The following PROKR1 variants were observed in gnomAD, a reference collection of about 807,000 sequenced individuals.
PROKR1 encodes G protein-coupled receptor 73.
Under a neutral mutation model 22.8 loss-of-function variants are expected in PROKR1, and 21 were observed. That is an observed-to-expected ratio of 0.92 (90% CI 0.65 to 1.32). The LOEUF (loss-of-function observed/expected upper bound fraction) is 1.32, where lower values mean the gene tolerates loss of function less well. Among genes scored for constraint, PROKR1 ranks in the 40% most tolerant of loss-of-function variants. The probability of loss-of-function intolerance (pLI) is 0.00; values close to 1 mark genes in which losing one functional copy is unlikely to be tolerated. For synonymous variants in PROKR1, 193 were observed against 207.5 expected (o/e 0.93, Z 0.60); for missense variants, 548 against 514.2 (o/e 1.07, Z -0.64).
chr2:68,645,733 T>C lies in PROKR1; in HGVS notation c.-89T>C, dbSNP rs1010223620. 2 of 1,568,080 alleles carry C rather than the reference T, an allele frequency of 1.3e-6. No individual in the cohort carries two copies. Among genetic ancestry groups the C allele is most frequent in the African/African-American group, 2.7e-5 (2 of 73,992 alleles). On this transcript the variant is annotated 5_prime_UTR_variant, in exon 2 of 3. Transcript: ENST00000303786. ...ACATTCTGACTCATTAAGGGAGAGC[T>C]GGCTGATAGCAGAGAGGGGTGACAT... is the stretch of plus-strand genomic sequence containing the variant.
intron 2 of PROKR1, among the ~76,000 whole-genome samples, chr2:68,650,350 C>T (rs943635944): frequency 6.6e-6 from 1 of 152,128 alleles, no homozygotes; most frequent in African/African-American, 2.4e-5. Context: ...GTCCTGTTTT[C>T]CCAAAAATAG....
At chr2:68,644,037 A>G (rs1673122560) in intron 1 of PROKR1, among the ~76,000 whole-genome samples, 189 bp downstream of exon 1, 1 of 152,096 alleles carries the variant, frequency 6.6e-6, no homozygotes, top group Non-Finnish European at 1.5e-5. Flanking sequence ...CCAGGGAGAA[A>G]GTTGGGAGCA....
rs1673163231 is a variant in PROKR1, at chr2:68,645,898, A to G, written c.77A>G (p.His26Arg). 19 of 1,614,186 alleles carry G rather than the reference A, an allele frequency of 1.2e-5. No homozygotes were observed. The highest frequency in any genetic ancestry group is 1.5e-5 in the Non-Finnish European group (18 of 1,180,026). ...STSFLSVLNP[H>R]GAHATSFPFN... is the part of the protein sequence containing the mutation. ...AGCTTCCTTTCTGTGCTCAACCCTC[A>G]TGGAGCCCATGCCACTTCCTTCCCA... The change falls in exon 2 of 3, where the codon CAT (histidine) becomes CGT (arginine). Residue 26 changes from histidine (H) to arginine (R), a missense_variant. His to Arg is a conservative substitution (Grantham distance 29). Transcript: ENST00000303786.
intron 2 of PROKR1, 36 bp from the exon 3 acceptor site, chr2:68,654,844 T>C (rs372110875): frequency 2.1e-5 from 30 of 1,433,426 alleles, no homozygotes; most frequent in Middle Eastern, 3.5e-4. Flanking sequence ...CACTTCTTTC[T>C]CACAGTGGCT....
Position 68,645,710 on chromosome 2 carries a change from A to G in PROKR1, c.-112A>G. On this transcript the variant is annotated 5_prime_UTR_variant, in exon 2 of 3. Coordinates refer to ENST00000303786, the MANE Select transcript of PROKR1 (RefSeq NM_138964.4). ...ATACCCCAAAGATGCTGGCAGAGAC[A>G]TTCTGACTCATTAAGGGAGAGCTGG... 6.9e-7 allele frequency: 1 copy of G among 1,451,528 alleles called. No individual in the cohort carries two copies. Among genetic ancestry groups the G allele is most frequent in the South Asian group, 1.2e-5 (1 of 86,590 alleles). The allele number at this position is 1,451,528 out of a possible 1,614,324, so 89.9% of individuals were successfully genotyped here.
intron 2 of PROKR1, among the ~76,000 whole-genome samples, chr2:68,646,637 G>A (rs186042648): frequency 4.8e-4 from 73 of 152,308 alleles, no homozygotes; most frequent in Middle Eastern, 3.4e-3. Context: ...AACTTTAAGC[G>A]TCAGGCAGTT....
rs773524536 is a variant in PROKR1, at chr2:68,645,878, C to T, written c.57C>T (p.Phe19=). 1.9e-6 allele frequency: 3 copies of T among 1,614,226 alleles called. No homozygotes were observed. The highest frequency in any genetic ancestry group is 2.5e-6 in the Non-Finnish European group (3 of 1,180,046). The change falls in exon 2 of 3, where the codon TTC becomes TTT. Residue 19 remains phenylalanine, a synonymous_variant. Coordinates refer to ENST00000303786, the MANE Select transcript of PROKR1 (RefSeq NM_138964.4). ...DDNATNTSTS[F]LSVLNPHGAH... ...ATGCCACCAACACTTCCACCAGCTT[C>T]CTTTCTGTGCTCAACCCTCATGGAG...
At chr2:68,649,208 C>G (rs1277694804) in intron 2 of PROKR1, among the ~76,000 whole-genome samples, 2 of 152,158 alleles carry the variant, frequency 1.3e-5, no homozygotes, top group African/African-American at 4.8e-5. Context: ...TTGTATTTGT[C>G]TATATTATTG....
Position 68,655,421 on chromosome 2 carries a change from G to A in PROKR1, c.1027G>A (p.Val343Met), listed in dbSNP as rs1229586316. ...SNSMINTLCF[V>M]TVKNDTVKYF... is the part of the protein sequence containing the mutation. ...CAGCATGATCAACACTCTGTGCTTC[G>A]TGACCGTCAAGAACGACACCGTCAA... The change falls in exon 3 of 3, where the codon GTG (valine) becomes ATG (methionine). Residue 343 changes from valine to methionine, a missense_variant. By Grantham distance (21) the Val-to-Met change is conservative. Coordinates refer to ENST00000303786, the MANE Select transcript of PROKR1 (RefSeq NM_138964.4). 10 of 1,614,132 alleles carry A rather than the reference G, an allele frequency of 6.2e-6. No individual in the cohort carries two copies. In the East Asian group the frequency reaches 2.0e-4, roughly 32 times the overall value.
rs57056816 is a variant in PROKR1, at chr2:68,654,806, CAAAAAAA to C, written c.486-63_486-57del. ...TGGGTGACAGAGCAAAACCCTGTTT[CAAAAAAA>C]AAAAAAAAAAGATTATCCAGCACTT... is the stretch of plus-strand genomic sequence containing the variant. On this transcript the variant is annotated intron_variant, in intron 2 of 2. Coordinates refer to ENST00000303786, the MANE Select transcript of PROKR1 (RefSeq NM_138964.4). 6.6e-5 allele frequency: 77 copies of C among 1,166,056 alleles called. No individual in the cohort carries two copies. In the East Asian group the frequency reaches 8.4e-4, roughly 13 times the overall value. The allele number at this position is 1,166,056 out of a possible 1,614,324, so 72.2% of individuals were successfully genotyped here. A position where few individuals can be genotyped will look rare whatever the true frequency, so the allele number is the denominator to read the frequency against.
chr2:68,655,097 T>C lies in PROKR1; in HGVS notation c.703T>C (p.Phe235Leu). ...GCTCTACTACAAGTCCTACTTCCTC[T>C]TTATCTTTGGCATAGAATTCGTGGG... Reference protein sequence around the residue: ...QQLYYKSYFLFIFGIEFVGPV... With the variant: ...QQLYYKSYFLLIFGIEFVGPV... The change falls in exon 3 of 3, where the codon TTT (phenylalanine) becomes CTT (leucine). Residue 235 changes from phenylalanine (F) to leucine (L), a missense_variant. By Grantham distance (22) the Phe-to-Leu change is conservative. Transcript: ENST00000303786. 1 of 1,614,142 alleles carries C rather than the reference T, an allele frequency of 6.2e-7. No individual in the cohort carries two copies. Among genetic ancestry groups the C allele is most frequent in the Non-Finnish European group, 8.5e-7 (1 of 1,180,026 alleles).
At position 68,645,991 on chromosome 2, in the gene PROKR1, C is replaced by T. The variant is rs769294148; in HGVS notation, c.170C>T (p.Thr57Met). The change falls in exon 2 of 3, where the codon ACG becomes ATG. Residue 57 changes from threonine (T) to methionine (M), a missense_variant. Thr to Met is a moderately conservative substitution (Grantham distance 81). Transcript: ENST00000303786. Reference protein sequence around the residue: ...DEDEDVTNSRTFFAAKIVIGM... With the variant: ...DEDEDVTNSRMFFAAKIVIGM... ...GATGAGGATGTGACCAATTCCAGGA[C>T]GTTCTTTGCTGCCAAGATTGTCATT... is the stretch of plus-strand genomic sequence containing the variant. The T allele has an allele frequency of 8.7e-6, 14 of 1,614,128 alleles. No homozygotes were observed. Among genetic ancestry groups the T allele is most frequent in the South Asian group, 3.3e-5 (3 of 91,090 alleles).
rs1558580302 is a variant in PROKR1, at chr2:68,655,212, G to A, written c.818G>A (p.Arg273His). ...CCTGGATTCCAGACAGAGCAGATCC[G>A]CAAGAGGCTGCGCTGCCGCAGGAAG... ...AVPGFQTEQI[R>H]KRLRCRRKTV... The change falls in exon 3 of 3, where the codon CGC (arginine) becomes CAC (histidine). Residue 273 changes from arginine to histidine, a missense_variant. Coordinates refer to ENST00000303786, the MANE Select transcript of PROKR1 (RefSeq NM_138964.4). 1 of 1,614,228 alleles carries A rather than the reference G, an allele frequency of 6.2e-7. No homozygotes were observed. Among genetic ancestry groups the A allele is most frequent in the Non-Finnish European group, 8.5e-7 (1 of 1,180,040 alleles).
intron 1 of PROKR1, 25 bp from the exon 2 acceptor site, chr2:68,645,636 GC>G (rs1673158039): frequency 1.2e-6 from 1 of 838,362 alleles, no homozygotes; most frequent in Non-Finnish European, 1.8e-6. Flanking sequence ...GCAACATATA[GC>G]CAACTGTTTG....
chr2:68,655,568 C>A lies in PROKR1; in HGVS notation c.1174C>A (p.Leu392Ile). ...CACCGAAGAGGTGGACTGCATCAGA[C>A]TAAAATAACCCCCTGGACTTTGCAA... ...PATEEVDCIR[L>I]K The change falls in exon 3 of 3, where the codon CTA becomes ATA. Residue 392 changes from leucine to isoleucine, a missense_variant. Leu to Ile is a conservative substitution (Grantham distance 5). Transcript: ENST00000303786. The A allele has an allele frequency of 6.2e-7, 1 of 1,613,868 alleles. No homozygotes were observed.
chr2:68,655,627 GA>G lies in PROKR1; in HGVS notation c.*52del. The G allele has an allele frequency of 6.5e-7, 1 of 1,538,762 alleles. No homozygotes were observed. Among genetic ancestry groups the G allele is most frequent in the Non-Finnish European group, 8.9e-7 (1 of 1,119,758 alleles). ...CACAAAGCAGGGTCCTGTGGACACT[GA>G]CTAGTGTGCTTGGATGCACATCAAC... On this transcript the variant is annotated 3_prime_UTR_variant, in exon 3 of 3. Transcript: ENST00000303786.
At chr2:68,646,534 G>A (rs960393328) in intron 2 of PROKR1, among the ~76,000 whole-genome samples, 3 of 152,186 alleles carry the variant, frequency 2.0e-5, no homozygotes, top group African/African-American at 4.8e-5. Context: ...GTTGGGTGAT[G>A]GGAAGCTTTT....
chr2:68,646,197 C>T lies in PROKR1; in HGVS notation c.376C>T (p.Arg126Cys), dbSNP rs771784209. ...CTTTGAGATGGACTACTATGTGGTGCGCCAGCTCTCCTGGGAGCACGGCCA... is the reference window on the plus strand; with the variant it reads ...CTTTGAGATGGACTACTATGTGGTGTGCCAGCTCTCCTGGGAGCACGGCCA... The part of the protein sequence containing the change: ...CPFEMDYYVV[R>C]QLSWEHGHVL... The change falls in exon 2 of 3, where the codon CGC becomes TGC. Residue 126 changes from arginine (R) to cysteine (C), a missense_variant. Arg to Cys is a radical substitution (Grantham distance 180, BLOSUM62 -3). Transcript: ENST00000303786. The T allele has an allele frequency of 1.4e-5, 23 of 1,609,408 alleles. No homozygotes were observed. In the African/African-American group the frequency reaches 1.7e-4, roughly 12 times the overall value.
chr2:68,651,671 C>T (rs567419484), intron 2 of PROKR1, among the ~76,000 whole-genome samples: 4 of 152,210 alleles, frequency 2.6e-5, no homozygotes, highest in East Asian at 3.9e-4. Flanking sequence ...TATCTCTGCC[C>T]ATCCCATGAC....
Sources: gnomAD v4.1 joint callset for allele counts (sites outside exome capture counted in the v4.1 genomes callset) on GRCh38, gnomAD v4.1.1 for gene constraint, MANE v1.5 for transcripts, NCBI Gene and HGNC (gene_info 2026-07-23, HGNC 2026-07-21) for gene names.